Variants in ANO3 observed in about 807,000 individuals in gnomAD.
The protein encoded by ANO3 is anoctamin-3.
A neutral mutation model predicts 144.8 loss-of-function variants in ANO3; 99 were observed. That is an observed-to-expected ratio of 0.68 (90% CI 0.58 to 0.81). ANO3 has a LOEUF of 0.81. Ranked by LOEUF, ANO3 falls within the 30% of genes least tolerant of loss-of-function variation. The pLI is 0.00. For synonymous variants in ANO3, 414 were observed against 392.6 expected, an observed-to-expected ratio of 1.05 and a Z score of -0.64; for missense variants, 905 against 1,202.2, an observed-to-expected ratio of 0.75 and a Z score of 3.66.
intron 2 of ANO3, 152 bp downstream of exon 2, chr11:26,442,264 T>C (rs1302318586): frequency 1.4e-6 from 1 of 728,670 alleles, no homozygotes; most frequent in East Asian, 2.7e-5. Context: ...ATGCCATTTG[T>C]TGGCCAGATG....
At chr11:26,396,995 A>AG in intron 1 of ANO3, among the ~76,000 whole-genome samples, 1 of 119,940 alleles carries the variant, frequency 8.3e-6, no homozygotes, top group Non-Finnish European at 1.9e-5. Context: ...CTCTCACAGA[A>AG]AAAAAACAAA....
chr11:26,400,101 T>A (rs1371032917), intron 1 of ANO3, among the ~76,000 whole-genome samples: 1 of 149,380 alleles, frequency 6.7e-6, no homozygotes. Flanking sequence ...AAAGCAAAGT[T>A]TTTTTTGTTT....
chr11:26,227,078 A>G (rs1470693931), intron 1 of ANO3, among the ~76,000 whole-genome samples: 1 of 152,118 alleles, frequency 6.6e-6, no homozygotes, highest in Non-Finnish European at 1.5e-5. Flanking sequence ...GGCTGTTTTC[A>G]CTTAGCACAA....
intron 2 of ANO3, 90 bp downstream of exon 2, chr11:26,442,202 T>C: frequency 7.9e-7 from 1 of 1,269,434 alleles, no homozygotes; most frequent in Non-Finnish European, 1.1e-6. Flanking sequence ...TTGGACCAGT[T>C]TTATAGAGCT....
intron 5 of ANO3, among the ~76,000 whole-genome samples, chr11:26,511,692 G>T (rs758616381): frequency 6.6e-6 from 1 of 152,116 alleles, no homozygotes; most frequent in Non-Finnish European, 1.5e-5. Context: ...GGGAAGGAGG[G>T]AAATTTTAAA....
chr11:26,638,592 G>A (rs1853043190), intron 20 of ANO3, among the ~76,000 whole-genome samples: 1 of 152,184 alleles, frequency 6.6e-6, no homozygotes, highest in Non-Finnish European at 1.5e-5. Flanking sequence ...AATCCAAAGA[G>A]AGCTTTGCGT....
intron 3 of ANO3, among the ~76,000 whole-genome samples, chr11:26,461,678 CATATT>C (rs1318990049): frequency 3.3e-5 from 5 of 152,116 alleles, no homozygotes; most frequent in African/African-American, 1.2e-4. Flanking sequence ...ATGGGGGAAA[CATATT>C]ATATTCACAA....
intron 24 of ANO3, among the ~76,000 whole-genome samples, chr11:26,650,486 T>G (rs1853496964): frequency 6.6e-6 from 1 of 152,144 alleles, no homozygotes; most frequent in African/African-American, 2.4e-5. Context: ...AAGATATCAT[T>G]TGCCCTTTTC....
In ANO3 at chr11:26,442,024, C is replaced by T. The variant is rs1858539354; in HGVS notation, c.153C>T (p.Ser51=). ...AQSYAYSKSL[S]QSTSLFQSTE... ...GCTACGCTTACTCAAAGAGCTTGAG[C>T]CAGTCTACTTCCCTCTTCCAGTCAA... The change falls in exon 2 of 27, where the codon AGC becomes AGT. Residue 51 remains serine (S), a synonymous_variant. Coordinates refer to ENST00000256737, the MANE Select transcript of ANO3 (RefSeq NM_031418.4). 7 of 1,614,008 alleles carry T rather than the reference C, an allele frequency of 4.3e-6. No individual in the cohort carries two copies. The highest frequency in any genetic ancestry group is 2.7e-5 in the African/African-American group (2 of 74,920).
intron 1 of ANO3, among the ~76,000 whole-genome samples, chr11:26,315,485 A>G (rs1854600285): frequency 6.6e-6 from 1 of 152,212 alleles, no homozygotes; most frequent in African/African-American, 2.4e-5. Flanking sequence ...GGAAGAATAA[A>G]TATAATTAAC....
chr11:26,504,356 T>C (rs960041202), intron 4 of ANO3, among the ~76,000 whole-genome samples: 13 of 151,918 alleles, frequency 8.6e-5, no homozygotes, highest in African/African-American at 3.2e-4. Context: ...CCTTCTCTTC[T>C]TTCTTCTTTC....
At chr11:26,501,687 A>G (rs943937262) in intron 4 of ANO3, among the ~76,000 whole-genome samples, 3 of 152,184 alleles carry the variant, frequency 2.0e-5, no homozygotes, top group South Asian at 2.1e-4. Flanking sequence ...TCAGGTCAAG[A>G]TCGGCAAGCT....
intron 1 of ANO3, among the ~76,000 whole-genome samples, chr11:26,310,773 AT>A (rs1441071203): frequency 6.6e-6 from 1 of 152,182 alleles, no homozygotes; most frequent in Non-Finnish European, 1.5e-5. Flanking sequence ...ATTATAGTAT[AT>A]TCTGTGAACT....
intron 1 of ANO3, among the ~76,000 whole-genome samples, chr11:26,341,572 G>A (rs932388920): frequency 2.0e-5 from 3 of 152,128 alleles, no homozygotes; most frequent in Admixed American, 6.5e-5. Context: ...AGATGTATTA[G>A]GATTCTTCAG....
chr11:26,522,599 A>G (rs1012670162), intron 6 of ANO3, among the ~76,000 whole-genome samples: 13 of 152,216 alleles, frequency 8.5e-5, no homozygotes. Flanking sequence ...ACTAAATTAC[A>G]GGATGGAAGA....
intron 11 of ANO3, among the ~76,000 whole-genome samples, chr11:26,544,273 T>TATATACATATATATATATATATATATAC: frequency 1.7e-5 from 1 of 58,544 alleles, no homozygotes; most frequent in Non-Finnish European, 3.6e-5. Context: ...TATATATATA[T>TATATACATATATATATATATATATATAC]ACACACATAC....
chr11:26,418,997 C>A (rs992761932), intron 1 of ANO3, among the ~76,000 whole-genome samples: 1 of 152,016 alleles, frequency 6.6e-6, no homozygotes, highest in Admixed American at 6.6e-5. Context: ...ACCTAAAATT[C>A]GGTAATTTAT....
intron 4 of ANO3, among the ~76,000 whole-genome samples, chr11:26,507,787 T>A (rs1861494586): frequency 6.6e-6 from 1 of 152,186 alleles, no homozygotes; most frequent in Non-Finnish European, 1.5e-5. Context: ...AAATAAGTAA[T>A]CATTTTATTT....
intron 4 of ANO3, among the ~76,000 whole-genome samples, chr11:26,491,152 C>T (rs887928814): frequency 6.6e-6 from 1 of 152,138 alleles, no homozygotes; most frequent in African/African-American, 2.4e-5. Context: ...TTTTCCCCTT[C>T]CTGTGTCTTA....
Sources: gnomAD v4.1 joint callset for allele counts (sites outside exome capture counted in the v4.1 genomes callset) on GRCh38, gnomAD v4.1.1 for gene constraint, MANE v1.5 for transcripts, NCBI Gene and HGNC (gene_info 2026-07-23, HGNC 2026-07-21) for gene names.